NECTIN3: variants seen among roughly 807,000 people sequenced by gnomAD.
The protein encoded by NECTIN3 is nectin-3.
In NECTIN3, 8 loss-of-function variants were observed where a neutral mutation model predicts 49.4. That is an observed-to-expected ratio of 0.16 (90% CI 0.10 to 0.29). NECTIN3 has a LOEUF of 0.29. Among genes scored for constraint, NECTIN3 ranks in the 10% least tolerant of loss-of-function variants. NECTIN3 has a pLI of 1.00. For synonymous variants in NECTIN3, 277 were observed against 241.1 expected (o/e 1.15, Z -1.38); for missense variants, 581 against 654.6 (o/e 0.89, Z 1.23).
chr3:111,169,817 T>G (rs2035400535), intron 7 of NECTIN3, among the ~76,000 whole-genome samples: 1 of 152,214 alleles, frequency 6.6e-6, no homozygotes. Context: ...ATGAATCCCT[T>G]AGAAGTGAAA....
chr3:111,185,942 T>C (rs1328912300), intron 7 of NECTIN3, among the ~76,000 whole-genome samples: 1 of 152,180 alleles, frequency 6.6e-6, no homozygotes, highest in Non-Finnish European at 1.5e-5. Context: ...ATTCAGAGTT[T>C]CTTGACAGGC....
chr3:111,129,680 G>T (rs1332685353), intron 5 of NECTIN3, among the ~76,000 whole-genome samples: 1 of 151,040 alleles, frequency 6.6e-6, no homozygotes, highest in African/African-American at 2.4e-5. Context: ...AGACAGTCTC[G>T]CTCTGTCGCC....
At chr3:111,090,114 T>C (rs2032173642) in intron 1 of NECTIN3, among the ~76,000 whole-genome samples, 1 of 152,176 alleles carries the variant, frequency 6.6e-6, no homozygotes. Flanking sequence ...ACCTTTACTC[T>C]CAATCTTTCT....
chr3:111,104,037 G>C (rs145242764), intron 1 of NECTIN3, among the ~76,000 whole-genome samples: 141 of 152,260 alleles, frequency 9.3e-4, no homozygotes, highest in Middle Eastern at 6.8e-3. Flanking sequence ...AAAGACACAG[G>C]AATGATATGG....
chr3:111,193,423 T>G, intron 1 of NECTIN3: 1 of 1,506,328 alleles, frequency 6.6e-7, no homozygotes, highest in Non-Finnish European at 8.9e-7. Flanking sequence ...TGTTTATTCT[T>G]AGATTGGGGA....
intron 1 of NECTIN3, among the ~76,000 whole-genome samples, chr3:111,099,522 T>TA (rs1385632621): frequency 1.3e-5 from 2 of 152,224 alleles, no homozygotes; most frequent in Non-Finnish European, 2.9e-5. Flanking sequence ...TTGTAGAACA[T>TA]AGTATTAATA....
Position 111,126,082 on chromosome 3 carries a change from A to G in NECTIN3, c.918-102A>G, listed in dbSNP as rs188762375. The G allele has an allele frequency of 2.9e-5, 24 of 834,250 alleles. No individual in the cohort carries two copies. In the South Asian group the frequency reaches 3.8e-4, roughly 13 times the overall value. 51.7% of individuals were successfully genotyped at this position (834,250 alleles called of 1,614,324 possible). ...TGAATTTTGTCTGAGATGCTTTTTTATTTTGACTAACATCTCAAACATATA... is the reference window on the plus strand; with the variant it reads ...TGAATTTTGTCTGAGATGCTTTTTTGTTTTGACTAACATCTCAAACATATA... On this transcript the variant is annotated intron_variant, in intron 4 of 5. Coordinates refer to ENST00000485303, the MANE Select transcript of NECTIN3 (RefSeq NM_015480.3).
chr3:111,185,314 G>A (rs74753142), intron 7 of NECTIN3, among the ~76,000 whole-genome samples: 2,823 of 152,182 alleles, frequency 0.019, 43 homozygotes, highest in Non-Finnish European at 0.029. Flanking sequence ...ACACATGTGC[G>A]TGTGTGTGTG....
Position 111,135,883 on chromosome 3 carries a change from A to G in NECTIN3, c.*1668A>G. The G allele has an allele frequency of 4.4e-6, 4 of 907,800 alleles. No individual in the cohort carries two copies. Among genetic ancestry groups the G allele is most frequent in the Non-Finnish European group, 5.2e-6 (4 of 771,622 alleles). 56.2% of individuals were successfully genotyped at this position (907,800 alleles called of 1,614,324 possible). A position where few individuals can be genotyped will look rare whatever the true frequency, so the allele number is the denominator to read the frequency against. On this transcript the variant is annotated 3_prime_UTR_variant, in exon 6 of 6. Transcript: ENST00000485303. ...TCTTTTATTTCTCTTCCCAAAAGTA[A>G]TACTTATTATAAGGCTGTAGTATCA...
intron 5 of NECTIN3, 111 bp from the exon 6 acceptor site, chr3:111,133,517 ATTGTTAC>A: frequency 7.3e-7 from 1 of 1,360,754 alleles, no homozygotes; most frequent in Non-Finnish European, 9.8e-7. Flanking sequence ...ATGAAAAACT[ATTGTTAC>A]TATGAATATA....
At chr3:111,123,823 C>T (rs938766252) in intron 4 of NECTIN3, among the ~76,000 whole-genome samples, 7 of 152,114 alleles carry the variant, frequency 4.6e-5, no homozygotes, top group East Asian at 1.9e-4. Flanking sequence ...TATTTTAGGC[C>T]GATAATTAGT....
intron 7 of NECTIN3, among the ~76,000 whole-genome samples, chr3:111,173,099 C>G (rs891303268): frequency 6.6e-6 from 1 of 151,746 alleles, no homozygotes; most frequent in Non-Finnish European, 1.5e-5. Flanking sequence ...TGCATATTCT[C>G]TTTGATGTGT....
chr3:111,135,782 T>G lies in NECTIN3; in HGVS notation c.*1567T>G. 1.0e-6 allele frequency: 1 copy of G among 957,602 alleles called. No homozygotes were observed. The highest frequency in any genetic ancestry group is 1.2e-6 in the Non-Finnish European group (1 of 804,940). The allele number at this position is 957,602 out of a possible 1,614,324, so 59.3% of individuals were successfully genotyped here. On this transcript the variant is annotated 3_prime_UTR_variant, in exon 6 of 6. Transcript: ENST00000485303. ...CATGTTCATGGTATCTTGCAAATAG[T>G]GAAAGCTTTATTCTGAAGGATTATA...
At chr3:111,109,285 A>G (rs941966470) in intron 1 of NECTIN3, among the ~76,000 whole-genome samples, 21 of 152,110 alleles carry the variant, frequency 1.4e-4, no homozygotes, top group East Asian at 9.6e-4. Flanking sequence ...GGAGGACACA[A>G]ACATTCACTC....
chr3:111,072,719 C>A, intron 1 of NECTIN3: 1 of 811,136 alleles, frequency 1.2e-6, no homozygotes, highest in Non-Finnish European at 1.9e-6. Context: ...GTGCCCACTC[C>A]CCCGGCTCTG....
rs181546383 is a variant in NECTIN3, at chr3:111,134,170, A to G, written c.1605A>G (p.Ser535=). ...HYDENEDDLV[S]HVDGSVISRR... ...ATGAAAACGAAGATGACTTAGTTTC[A>G]CATGTAGATGGTTCCGTAATTTCCA... Residue 535 remains serine, a synonymous_variant, in exon 6 of 6, where the codon TCA becomes TCG. Coordinates refer to ENST00000485303, the MANE Select transcript of NECTIN3 (RefSeq NM_015480.3). The G allele has an allele frequency of 2.2e-5, 36 of 1,611,024 alleles. No individual in the cohort carries two copies. In the East Asian group the frequency reaches 5.6e-4, roughly 25 times the overall value.
intron 6 of NECTIN3, among the ~76,000 whole-genome samples, chr3:111,146,705 A>G (rs2081794100): frequency 6.6e-6 from 1 of 152,168 alleles, no homozygotes. Context: ...AAGCACAAGT[A>G]CTGAAAATGT....
At chr3:111,098,929 A>T (rs996927185) in intron 1 of NECTIN3, among the ~76,000 whole-genome samples, 27 of 97,076 alleles carry the variant, frequency 2.8e-4, no homozygotes, top group Admixed American at 2.1e-3. Context: ...ACGTTAGTTT[A>T]AAAAAAAAAA....
chr3:111,188,567 T>C (rs944147332), upstream of NECTIN3, among the ~76,000 whole-genome samples: 1 of 152,184 alleles, frequency 6.6e-6, no homozygotes, highest in African/African-American at 2.4e-5. Context: ...TTTAAAAAAG[T>C]CTTCTACCAT....
Sources: gnomAD v4.1 joint callset for allele counts (sites outside exome capture counted in the v4.1 genomes callset) on GRCh38, gnomAD v4.1.1 for gene constraint, MANE v1.5 for transcripts, NCBI Gene and HGNC (gene_info 2026-07-23, HGNC 2026-07-21) for gene names.